DNAJC3: variants seen among roughly 807,000 people sequenced by gnomAD.
DNAJC3 encodes the protein DnaJ heat shock protein family (Hsp40) member C3.
Under a neutral mutation model 68.6 loss-of-function variants are expected in DNAJC3, and 38 were observed. That is an observed-to-expected ratio of 0.55 (90% CI 0.43 to 0.73). The LOEUF (loss-of-function observed/expected upper bound fraction) is 0.73. Among genes scored for constraint, DNAJC3 ranks in the 30% least tolerant of loss-of-function variants. DNAJC3 has a pLI of 0.00. For synonymous variants in DNAJC3, 203 were observed against 204.0 expected (o/e 1.00, Z 0.04); for missense variants, 526 against 591.9 (o/e 0.89, Z 1.16).
At chr13:95,738,335 A>C (rs1176564481) in intron 4 of DNAJC3, among the ~76,000 whole-genome samples, 3 of 150,160 alleles carry the variant, frequency 2.0e-5, no homozygotes, top group Non-Finnish European at 4.4e-5. Flanking sequence ...GATGTCTATT[A>C]GGTCCGCTTG....
chr13:95,783,551 A>G (rs1343765909), intron 9 of DNAJC3, among the ~76,000 whole-genome samples: 1 of 152,180 alleles, frequency 6.6e-6, no homozygotes, highest in Non-Finnish European at 1.5e-5. Flanking sequence ...TTTTTATACT[A>G]AACTGGGAGA....
chr13:95,718,121 T>C (rs768624358), intron 2 of DNAJC3, among the ~76,000 whole-genome samples: 65 of 152,228 alleles, frequency 4.3e-4, no homozygotes, highest in Non-Finnish European at 7.9e-4. Flanking sequence ...TTATGTGGTT[T>C]AAAATGAAAT....
intron 9 of DNAJC3, among the ~76,000 whole-genome samples, chr13:95,774,461 A>G (rs1340436513): frequency 6.6e-6 from 1 of 152,138 alleles, no homozygotes; most frequent in Non-Finnish European, 1.5e-5. Context: ...CATGGTATCT[A>G]CCTTGATGAA....
At chr13:95,779,625 G>C (rs1259871616) in intron 9 of DNAJC3, among the ~76,000 whole-genome samples, 1 of 151,924 alleles carries the variant, frequency 6.6e-6, no homozygotes, top group African/African-American at 2.4e-5. Context: ...GTCTATGATA[G>C]TTTTGATTTG....
intron 4 of DNAJC3, among the ~76,000 whole-genome samples, chr13:95,730,162 T>A (rs1881666364): frequency 6.6e-6 from 1 of 152,128 alleles, no homozygotes; most frequent in African/African-American, 2.4e-5. Flanking sequence ...TGGCTAATTT[T>A]AAAACATTTT....
Position 95,787,707 on chromosome 13 carries a change from G to A in DNAJC3, c.1357+552G>A, listed in dbSNP as rs1007595353. Among the ~76,000 whole-genome samples, 10 of 151,860 alleles carry A rather than the reference G, an allele frequency of 6.6e-5. No homozygotes were observed. In the East Asian group the frequency reaches 1.7e-3, roughly 26 times the overall value. On this transcript the variant is annotated intron_variant, in intron 11 of 11. Coordinates refer to ENST00000602402, the MANE Select transcript of DNAJC3 (RefSeq NM_006260.5). The stretch of plus-strand genomic sequence containing the variant: ...TTAATTTTTATTTTTTGTAGAAATG[G>A]GATCTCACTGTGTTGCCCAGGCTGG...
At chr13:95,786,256 TAG>T (rs1410583517) in intron 10 of DNAJC3, among the ~76,000 whole-genome samples, 185 bp downstream of exon 10, 11 of 152,188 alleles carry the variant, frequency 7.2e-5, no homozygotes, top group Non-Finnish European at 1.0e-4. Flanking sequence ...GTTTCTTTGA[TAG>T]AGACCAATAA....
chr13:95,738,769 C>G (rs1187072986), intron 4 of DNAJC3, among the ~76,000 whole-genome samples: 5 of 152,126 alleles, frequency 3.3e-5, no homozygotes, highest in Admixed American at 6.5e-5. Context: ...GGTCTTGACT[C>G]TTTATCCAGT....
chr13:95,779,194 A>G (rs1256101451), intron 9 of DNAJC3, among the ~76,000 whole-genome samples: 1 of 131,650 alleles, frequency 7.6e-6, no homozygotes, highest in Non-Finnish European at 1.5e-5. Context: ...GCATGATTTC[A>G]GCTCAATGCA....
chr13:95,741,955 T>C (rs998414475), intron 4 of DNAJC3, among the ~76,000 whole-genome samples: 3 of 152,054 alleles, frequency 2.0e-5, no homozygotes, highest in African/African-American at 7.3e-5. Flanking sequence ...TGTGTACAGG[T>C]GCTGGCTGTG....
intron 9 of DNAJC3, among the ~76,000 whole-genome samples, chr13:95,771,229 C>T (rs137988098): frequency 2.0e-4 from 30 of 152,182 alleles, no homozygotes; most frequent in African/African-American, 6.3e-4. Context: ...ATTTTAGATA[C>T]GGTAAAATGC....
At chr13:95,753,886 T>C (rs1882567494) in intron 4 of DNAJC3, among the ~76,000 whole-genome samples, 1 of 152,222 alleles carries the variant, frequency 6.6e-6, no homozygotes, top group South Asian at 2.1e-4. Context: ...AGGTAATTAC[T>C]GATTGCCAGG....
chr13:95,789,639 G>A (rs536803231), intron 11 of DNAJC3, among the ~76,000 whole-genome samples: 7 of 152,220 alleles, frequency 4.6e-5, no homozygotes, highest in African/African-American at 7.2e-5. Context: ...TCTTTATAAT[G>A]GAACAATTTA....
intron 2 of DNAJC3, among the ~76,000 whole-genome samples, chr13:95,714,806 G>GTA (rs1010243955): frequency 6.6e-6 from 1 of 152,188 alleles, no homozygotes; most frequent in Non-Finnish European, 1.5e-5. Context: ...TTGCAGAAAT[G>GTA]TATATACCTT....
intron 9 of DNAJC3, among the ~76,000 whole-genome samples, chr13:95,764,679 T>TACAC (rs1200559858): frequency 8.3e-6 from 1 of 120,602 alleles, no homozygotes; most frequent in African/African-American, 3.7e-5. Flanking sequence ...TATATATATA[T>TACAC]ATATACACAC....
At chr13:95,785,868 T>C in intron 9 of DNAJC3, 71 bp from the exon 10 acceptor site, 1 of 1,422,304 alleles carries the variant, frequency 7.0e-7, no homozygotes, top group Non-Finnish European at 9.4e-7. Flanking sequence ...TTAGCATCAA[T>C]TTTACAGGAT....
chr13:95,711,522 AACTCT>A (rs1489705691), intron 2 of DNAJC3, among the ~76,000 whole-genome samples: 1 of 152,062 alleles, frequency 6.6e-6, no homozygotes, highest in South Asian at 2.1e-4. Flanking sequence ...AGAAAACAAA[AACTCT>A]ACTCAAGAGA....
At chr13:95,729,354 A>G (rs138641754) in intron 4 of DNAJC3, among the ~76,000 whole-genome samples, 27 of 78,216 alleles carry the variant, frequency 3.5e-4, no homozygotes, top group African/African-American at 1.4e-3. Context: ...CCTTCTCCCC[A>G]TCCTTCTCCC....
intron 1 of DNAJC3, among the ~76,000 whole-genome samples, chr13:95,684,575 A>G (rs1429931552): frequency 6.6e-6 from 1 of 152,240 alleles, no homozygotes; most frequent in Non-Finnish European, 1.5e-5. Flanking sequence ...AGCAGACTGC[A>G]TGAATTTGCA....
Sources: allele counts gnomAD v4.1 joint callset (sites outside exome capture counted in the v4.1 genomes callset), GRCh38; gene constraint gnomAD v4.1.1; transcripts MANE v1.5; gene names NCBI Gene and HGNC (gene_info 2026-07-23, HGNC 2026-07-21).